Variants in RMND1 observed in about 807,000 individuals in gnomAD.
RMND1 encodes the protein required for meiotic nuclear division 1 homolog.
RMND1 carries 41 observed loss-of-function variants against 54.0 expected under a neutral mutation model. The observed-to-expected ratio is 0.76, with a 90% CI of 0.59 to 0.98. RMND1 has a LOEUF of 0.98. Among genes scored for constraint, RMND1 ranks in the 50% least tolerant of loss-of-function variants. RMND1 has a pLI of 0.00. For synonymous variants in RMND1, 183 were observed against 181.7 expected, an observed-to-expected ratio of 1.01 and a Z score of -0.06; for missense variants, 457 against 532.0, an observed-to-expected ratio of 0.86 and a Z score of 1.39.
rs576346474 is a variant in RMND1 at position 151,416,969 on chromosome 6, A to G, written c.1200+310T>C. The G allele has an allele frequency of 2.3e-4, 43 of 187,012 alleles. 1 individual carries two copies. In the South Asian group the frequency reaches 6.3e-3, roughly 28 times the overall value. 11.6% of individuals were successfully genotyped at this position (187,012 alleles called of 1,614,324 possible). A position where few individuals can be genotyped will look rare whatever the true frequency, so the allele number is the denominator to read the frequency against. ...ATGATTCTTTCTTAAATTTATTTCTATTCTCACTGTCACCATGACAGATCA... is the reference window on the plus strand; with the variant it reads ...ATGATTCTTTCTTAAATTTATTTCTGTTCTCACTGTCACCATGACAGATCA... On this transcript the variant is annotated intron_variant, in intron 10 of 11. Transcript: ENST00000444024.
intron 11 of RMND1, 137 bp downstream of exon 11, chr6:151,405,583 C>T: frequency 1.6e-6 from 1 of 617,162 alleles, no homozygotes; most frequent in Non-Finnish European, 2.9e-6. Flanking sequence ...TTGAAACTTC[C>T]AAATAGAGTT....
At chr6:151,420,520 GACA>G (rs1162169250) in intron 9 of RMND1, among the ~76,000 whole-genome samples, 1 of 152,094 alleles carries the variant, frequency 6.6e-6, no homozygotes, top group Non-Finnish European at 1.5e-5. Context: ...TAAATCCTGG[GACA>G]ACTACAAGAA....
chr6:151,406,769 G>A (rs1779638431), intron 10 of RMND1, among the ~76,000 whole-genome samples: 1 of 152,172 alleles, frequency 6.6e-6, no homozygotes, highest in African/African-American at 2.4e-5. Flanking sequence ...TACAGGTTTG[G>A]TCAGTGAACA....
chr6:151,441,009 A>G (rs1213688165), intron 2 of RMND1, among the ~76,000 whole-genome samples: 1 of 152,142 alleles, frequency 6.6e-6, no homozygotes. Flanking sequence ...CCAACCGATA[A>G]TAGTTATGAT....
intron 4 of RMND1, among the ~76,000 whole-genome samples, chr6:151,431,062 A>G (rs888823186): frequency 6.6e-6 from 1 of 152,126 alleles, no homozygotes; most frequent in South Asian, 2.1e-4. Flanking sequence ...CTACAAGAGT[A>G]TGCAGAGTAT....
In RMND1 at chr6:151,424,226, C is replaced by A. The variant is rs1006004816; in HGVS notation, c.831-595G>T. On this transcript the variant is annotated intron_variant, in intron 6 of 11. Transcript: ENST00000444024. ...CTGTAACCCCAGCACTCCGGGAGGC[C>A]GAGGCAGGTGGATCACGAGGTCAGG... Among the ~76,000 whole-genome samples the A allele has an allele frequency of 2.0e-5, 3 of 151,854 alleles. No individual in the cohort carries two copies. In the East Asian group the frequency reaches 5.9e-4, roughly 30 times the overall value.
In RMND1 at chr6:151,421,841, T is replaced by C. The variant is rs997015687; in HGVS notation, c.1003-520A>G. ...TTAAAAATACTGCAACTGACGGGCA[T>C]GGTGGCTCGTGGCCTGTAATGCTAG... On this transcript the variant is annotated intron_variant, in intron 8 of 11. Transcript: ENST00000444024. Among the ~76,000 whole-genome samples, 4 of 152,086 alleles carry C rather than the reference T, an allele frequency of 2.6e-5. No individual in the cohort carries two copies. The East Asian group carries it at 7.7e-4, about 29-fold the overall frequency.
At chr6:151,410,247 G>A (rs780897135) in intron 10 of RMND1, among the ~76,000 whole-genome samples, 1 of 151,998 alleles carries the variant, frequency 6.6e-6, no homozygotes, top group Non-Finnish European at 1.5e-5. Context: ...AGTAGAGACG[G>A]GGTCTCACCA....
At chr6:151,440,427 C>G (rs1430079696) in intron 2 of RMND1, among the ~76,000 whole-genome samples, 1 of 152,232 alleles carries the variant, frequency 6.6e-6, no homozygotes, top group Non-Finnish European at 1.5e-5. Flanking sequence ...TTTCAACTCT[C>G]AAGGACAGGA....
chr6:151,427,397 A>G, intron 6 of RMND1, 85 bp downstream of exon 6: 1 of 712,046 alleles, frequency 1.4e-6, no homozygotes, highest in South Asian at 1.7e-5. Context: ...AAAAGTTTCC[A>G]TATGCATAAT....
At chr6:151,450,763 G>A (rs574251047) in intron 1 of RMND1, among the ~76,000 whole-genome samples, 16 of 139,422 alleles carry the variant, frequency 1.1e-4, no homozygotes, top group Admixed American at 5.6e-4. Context: ...ATAGAAAGGG[G>A]GGAAAGGGGG....
chr6:151,415,202 A>T (rs1779966133), intron 10 of RMND1, among the ~76,000 whole-genome samples: 1 of 152,176 alleles, frequency 6.6e-6, no homozygotes, highest in South Asian at 2.1e-4. Flanking sequence ...TATCTGATGA[A>T]GTTTTCTATG....
At chr6:151,447,927 C>T (rs1781007208) in intron 1 of RMND1, among the ~76,000 whole-genome samples, 2 of 151,644 alleles carry the variant, frequency 1.3e-5, no homozygotes, top group South Asian at 2.1e-4. Flanking sequence ...GATTCTCCTG[C>T]CTCAGCCTCC....
chr6:151,434,511 C>T (rs1226534028), intron 3 of RMND1, among the ~76,000 whole-genome samples: 1 of 151,866 alleles, frequency 6.6e-6, no homozygotes, highest in Admixed American at 6.6e-5. Flanking sequence ...CAACCCAGGG[C>T]AGTGAAGCCT....
At chr6:151,422,651 A>C (rs1300029867) in intron 7 of RMND1, 46 bp from the exon 8 acceptor site, 1 of 931,350 alleles carries the variant, frequency 1.1e-6, no homozygotes, top group Non-Finnish European at 1.6e-6. Context: ...CATCATATTC[A>C]CATGTATATA....
At chr6:151,430,328 G>A in intron 4 of RMND1, 151 bp from the exon 5 acceptor site, 1 of 536,926 alleles carries the variant, frequency 1.9e-6, no homozygotes. Context: ...TGGTCCTTAG[G>A]TGAACTTCCT....
intron 10 of RMND1, among the ~76,000 whole-genome samples, chr6:151,409,275 A>G (rs1446008037): frequency 6.6e-6 from 1 of 152,238 alleles, no homozygotes; most frequent in Non-Finnish European, 1.5e-5. Flanking sequence ...AGGGCCTATC[A>G]TACAGGCTTT....
rs1290084221 is a variant in RMND1 at position 151,435,722 on chromosome 6, CTAAT to C, written c.613+720_613+723del. Among the ~76,000 whole-genome samples, 6 of 151,508 alleles carry C rather than the reference CTAAT, an allele frequency of 4.0e-5. No homozygotes were observed. In the East Asian group the frequency reaches 9.8e-4, roughly 25 times the overall value. On this transcript the variant is annotated intron_variant, in intron 3 of 11. Transcript: ENST00000444024. Reference sequence around the variant, plus strand: ...GGCGTGAGCTACTGCACCCGGCTAACTAATTGTTTTAAAGTATTAGATTGAGCTG... The same window carrying C: ...GGCGTGAGCTACTGCACCCGGCTAACTGTTTTAAAGTATTAGATTGAGCTG...
chr6:151,445,314 C>T lies in RMND1; in HGVS notation c.498G>A (p.Val166=). ...ACGGCCACCCCTACTTTACCTCGTT[C>T]ACAGACAGAACTGGAAGGTTGGTCC... The part of the protein sequence containing the change: ...PSRTNLPVLS[V]NEDLMHCTAF... The change falls in exon 2 of 12, where the codon GTG becomes GTA. Residue 166 remains valine (V), a synonymous_variant. Transcript: ENST00000444024. 1 of 1,606,658 alleles carries T rather than the reference C, an allele frequency of 6.2e-7. No homozygotes were observed. Among genetic ancestry groups the T allele is most frequent in the Non-Finnish European group, 8.5e-7 (1 of 1,176,916 alleles).
Sources: allele counts gnomAD v4.1 joint callset (sites outside exome capture counted in the v4.1 genomes callset), GRCh38; gene constraint gnomAD v4.1.1; transcripts MANE v1.5; gene names NCBI Gene and HGNC (gene_info 2026-07-23, HGNC 2026-07-21).